The following LEKR1 variants were observed in gnomAD, a reference collection of about 807,000 sequenced individuals.
The protein encoded by LEKR1 is protein LEKR1.
A neutral mutation model predicts 72.4 loss-of-function variants in LEKR1; 59 were observed. The observed-to-expected ratio is 0.82, with a 90% CI of 0.66 to 1.01. LEKR1 has a LOEUF of 1.01. Among genes scored for constraint, LEKR1 ranks in the 50% least tolerant of loss-of-function variants. The probability of loss-of-function intolerance (pLI) is 0.00; values close to 1 mark genes in which losing one functional copy is unlikely to be tolerated. For synonymous variants in LEKR1, 257 were observed against 263.2 expected (o/e 0.98, Z 0.23); for missense variants, 728 against 759.2 (o/e 0.96, Z 0.48).
At chr3:156,856,062 C>T (rs1244036614) in intron 3 of LEKR1, among the ~76,000 whole-genome samples, 3 of 151,046 alleles carry the variant, frequency 2.0e-5, no homozygotes, top group Non-Finnish European at 4.4e-5. Flanking sequence ...AATAGACTCA[C>T]GCAAGTAGAA....
chr3:156,830,423 T>C (rs773973158), intron 2 of LEKR1, among the ~76,000 whole-genome samples: 1 of 152,142 alleles, frequency 6.6e-6, no homozygotes, highest in Non-Finnish European at 1.5e-5. Context: ...AAAGAAAAAG[T>C]TGAATTGCTT....
chr3:156,942,682 C>A lies in LEKR1; in HGVS notation c.713C>A (p.Thr238Asn). 7.9e-7 allele frequency: 1 copy of A among 1,260,148 alleles called. No individual in the cohort carries two copies. The highest frequency in any genetic ancestry group is 1.0e-6 in the Non-Finnish European group (1 of 978,514). 78.1% of individuals were successfully genotyped at this position (1,260,148 alleles called of 1,614,324 possible). Residue 238 changes from threonine (T) to asparagine (N), a missense_variant, in exon 6 of 13, where the codon ACC (threonine) becomes AAC (asparagine). Physicochemically the swap from Thr to Asn is moderately conservative, Grantham distance 65. Transcript: ENST00000356539. ...TSRQQEVNLQ[T>N]RCYDLQKEVL... ...AGACAACAGGAAGTAAACTTGCAAA[C>A]CAGATGCTATGATTTGCAAAAAGAA...
At chr3:156,887,659 A>G (rs1323795321) in intron 3 of LEKR1, among the ~76,000 whole-genome samples, 2 of 152,120 alleles carry the variant, frequency 1.3e-5, no homozygotes, top group East Asian at 3.9e-4. Flanking sequence ...AAGAATTCAT[A>G]TAGTAATATG....
At chr3:157,019,094 ATAAT>A (rs778503499) in intron 10 of LEKR1, among the ~76,000 whole-genome samples, 12 of 152,214 alleles carry the variant, frequency 7.9e-5, no homozygotes, top group African/African-American at 2.2e-4. Flanking sequence ...AAATAGTACA[ATAAT>A]TTATTTTAGG....
At chr3:156,928,379 A>C (rs1724919788) in intron 5 of LEKR1, among the ~76,000 whole-genome samples, 1 of 151,996 alleles carries the variant, frequency 6.6e-6, no homozygotes. Flanking sequence ...GCTTTTGCAT[A>C]TGTGGAGAGA....
In LEKR1 at chr3:156,884,887, G is replaced by T. The variant is rs187119286; in HGVS notation, c.263+31905G>T. Among the ~76,000 whole-genome samples, 504 of 152,128 alleles carry T rather than the reference G, an allele frequency of 3.3e-3. 1 individual carries two copies. The highest frequency in any genetic ancestry group is 5.9e-3 in the Non-Finnish European group (400 of 67,990). ...CTCAAAGAAGTTTTCCAAAGTTTTTGATTTCTTTTCTTCCTCAAGAGCACC... is the reference window on the plus strand; with the variant it reads ...CTCAAAGAAGTTTTCCAAAGTTTTTTATTTCTTTTCTTCCTCAAGAGCACC... On this transcript the variant is annotated intron_variant, in intron 3 of 12. Transcript: ENST00000356539.
intron 10 of LEKR1, among the ~76,000 whole-genome samples, chr3:157,011,724 T>A (rs761792360): frequency 8.5e-5 from 13 of 152,154 alleles, no homozygotes; most frequent in Non-Finnish European, 1.3e-4. Context: ...TTTTGGAATC[T>A]TGTAAGATAG....
intron 2 of LEKR1, among the ~76,000 whole-genome samples, chr3:156,842,249 A>G (rs189855731): frequency 1.3e-5 from 2 of 152,268 alleles, no homozygotes; most frequent in East Asian, 3.9e-4. Flanking sequence ...AGAAACAAAG[A>G]CTTTTTTTCA....
intron 5 of LEKR1, among the ~76,000 whole-genome samples, chr3:156,934,320 A>C (rs1465647161): frequency 1.3e-5 from 2 of 152,182 alleles, no homozygotes; most frequent in Non-Finnish European, 2.9e-5. Context: ...ACTTTGTGGA[A>C]TTGAAATGGA....
At chr3:156,866,871 A>G (rs1178480294) in intron 3 of LEKR1, among the ~76,000 whole-genome samples, 1 of 152,006 alleles carries the variant, frequency 6.6e-6, no homozygotes, top group Non-Finnish European at 1.5e-5. Context: ...ACCCAACTCT[A>G]TGCACCCTGC....
chr3:156,991,548 G>T (rs968052714), intron 7 of LEKR1, among the ~76,000 whole-genome samples: 1 of 152,052 alleles, frequency 6.6e-6, no homozygotes, highest in South Asian at 2.1e-4. Flanking sequence ...TTAATGAATA[G>T]TCTGAATACA....
In LEKR1 at chr3:156,841,643, C is replaced by A. The variant is rs575734718; in HGVS notation, c.49-11125C>A. ...AGTATTTATTATGCCTATTATGTGC[C>A]AGTCCCTGTTTGGGGTGCTTGATTT... On this transcript the variant is annotated intron_variant, in intron 2 of 12. Transcript: ENST00000356539. Among the ~76,000 whole-genome samples the A allele has an allele frequency of 3.0e-4, 45 of 152,282 alleles. 1 individual carries two copies. The highest frequency in any genetic ancestry group is 1.1e-3 in the African/African-American group (45 of 41,548).
intron 5 of LEKR1, among the ~76,000 whole-genome samples, chr3:156,929,489 C>T (rs1176512033): frequency 6.6e-6 from 1 of 152,070 alleles, no homozygotes. Context: ...CAGAATGAGA[C>T]AATAGCAGCA....
chr3:157,026,175 C>G (rs768357464), intron 11 of LEKR1, among the ~76,000 whole-genome samples: 2 of 152,156 alleles, frequency 1.3e-5, no homozygotes, highest in African/African-American at 2.4e-5. Flanking sequence ...TTCTGCCTCC[C>G]CTAGAGGGTT....
At chr3:156,897,109 A>G (rs931336461) in intron 3 of LEKR1, among the ~76,000 whole-genome samples, 2 of 152,168 alleles carry the variant, frequency 1.3e-5, no homozygotes, top group African/African-American at 4.8e-5. Flanking sequence ...TATGCTTATT[A>G]CCTGGTTGAT....
At chr3:156,932,617 G>A (rs1410431403) in intron 5 of LEKR1, among the ~76,000 whole-genome samples, 1 of 150,914 alleles carries the variant, frequency 6.6e-6, no homozygotes, top group African/African-American at 2.5e-5. Flanking sequence ...GGAGGCTGAG[G>A]CATGAGAATT....
chr3:156,861,314 A>G (rs2108542103), intron 3 of LEKR1, among the ~76,000 whole-genome samples: 1 of 152,212 alleles, frequency 6.6e-6, no homozygotes, highest in Non-Finnish European at 1.5e-5. Flanking sequence ...GTACTTTTGC[A>G]GCACTTTTTG....
chr3:157,041,400 A>G (rs1174728561), intron 12 of LEKR1, among the ~76,000 whole-genome samples: 1 of 152,092 alleles, frequency 6.6e-6, no homozygotes, highest in Non-Finnish European at 1.5e-5. Flanking sequence ...TGATCATACC[A>G]GCCATCTGCT....
At chr3:156,877,515 G>C (rs1718751317) in intron 3 of LEKR1, among the ~76,000 whole-genome samples, 1 of 152,000 alleles carries the variant, frequency 6.6e-6, no homozygotes, top group Admixed American at 6.5e-5. Flanking sequence ...GGTCTGTTCA[G>C]AGTTTCTATT....
Sources: allele counts gnomAD v4.1 joint callset (sites outside exome capture counted in the v4.1 genomes callset), GRCh38; gene constraint gnomAD v4.1.1; transcripts MANE v1.5; gene names NCBI Gene and HGNC (gene_info 2026-07-23, HGNC 2026-07-21).